Variants in MBD2 observed in about 807,000 individuals in gnomAD.
The protein encoded by MBD2 is methyl-CpG binding domain protein 2.
Under a neutral mutation model 39.3 loss-of-function variants are expected in MBD2, and 9 were observed. The observed-to-expected ratio is 0.23, with a 90% confidence interval of 0.14 to 0.40. The LOEUF (loss-of-function observed/expected upper bound fraction) is 0.40, where lower values mean the gene tolerates loss of function less well. Ranked by LOEUF, MBD2 falls within the 10% of genes least tolerant of loss-of-function variation. MBD2 has a pLI of 1.00. For synonymous variants in MBD2, 233 were observed against 211.1 expected (o/e 1.10, Z -0.90); for missense variants, 458 against 532.6 (o/e 0.86, Z 1.38).
rs867538371 is a variant in MBD2, at chr18:54,208,474, G to A, written c.543-3317C>T. On this transcript the variant is annotated intron_variant, in intron 1 of 6. Transcript: ENST00000256429. ...GCCACTACACTCCAGCCTGGGCAAC[G>A]AGCAAAACTCTGTCTCAATAAAATA... Among the ~76,000 whole-genome samples, 79 of 152,066 alleles carry A rather than the reference G, an allele frequency of 5.2e-4. 1 individual carries two copies. The highest frequency in any genetic ancestry group is 6.8e-3 in the Middle Eastern group (2 of 294).
chr18:54,213,110 A>G (rs147497853), intron 1 of MBD2, among the ~76,000 whole-genome samples: 2,372 of 150,236 alleles, frequency 0.016, 75 homozygotes, highest in African/African-American at 0.056. Context: ...TTTTTAAAGT[A>G]TAAGGAAAAA....
intron 1 of MBD2, chr18:54,222,264 C>CTT: frequency 2.3e-6 from 1 of 442,802 alleles, no homozygotes; most frequent in Non-Finnish European, 4.5e-6. Flanking sequence ...CCACAATAAC[C>CTT]TTTTTTTTTA....
chr18:54,164,060 A>T (rs754604927), intron 5 of MBD2, among the ~76,000 whole-genome samples: 56 of 151,968 alleles, frequency 3.7e-4, no homozygotes, highest in Non-Finnish European at 6.0e-4. Flanking sequence ...ATTGTTAAAA[A>T]TTTTTTGTGG....
rs188950732 is a variant in MBD2 at position 54,153,153 on chromosome 18, G to T, written c.*2171C>A. Reference sequence around the variant, plus strand: ...GTTCATATGAAGGCAGTGATCGTGGGGATGGAGGAGAGGTGGGGTGCAGTC... The same window carrying T: ...GTTCATATGAAGGCAGTGATCGTGGTGATGGAGGAGAGGTGGGGTGCAGTC... On this transcript the variant is annotated 3_prime_UTR_variant, in exon 7 of 7. Transcript: ENST00000256429. 1 of 152,720 alleles carries T rather than the reference G, an allele frequency of 6.5e-6. No individual in the cohort carries two copies. The highest frequency in any genetic ancestry group is 6.5e-5 in the Admixed American group (1 of 15,302). The allele number at this position is 152,720 out of a possible 1,614,324, so 9.5% of individuals were successfully genotyped here.
intron 2 of MBD2, among the ~76,000 whole-genome samples, chr18:54,191,882 C>A (rs2086322072): frequency 6.6e-6 from 1 of 152,114 alleles, no homozygotes; most frequent in African/African-American, 2.4e-5. Context: ...AGTATTATTT[C>A]TCAGGTATTT....
intron 1 of MBD2, among the ~76,000 whole-genome samples, chr18:54,222,881 A>T (rs921250905): frequency 1.3e-5 from 2 of 152,252 alleles, no homozygotes; most frequent in Non-Finnish European, 2.9e-5. Flanking sequence ...TTTTCAATCT[A>T]GTTAAAAGTA....
At chr18:54,215,481 G>A (rs1008300119) in intron 1 of MBD2, among the ~76,000 whole-genome samples, 1 of 150,794 alleles carries the variant, frequency 6.6e-6, no homozygotes, top group East Asian at 1.9e-4. Flanking sequence ...AGCAATTTCT[G>A]AGGATAGATT....
intron 2 of MBD2, among the ~76,000 whole-genome samples, chr18:54,194,941 C>T (rs1046748704): frequency 6.6e-6 from 1 of 152,040 alleles, no homozygotes; most frequent in Non-Finnish European, 1.5e-5. Flanking sequence ...CATAGTGTCC[C>T]TTTATGATAT....
rs1476150089 is a variant in MBD2, at chr18:54,153,259, GT to G, written c.*2064del. 1.3e-5 allele frequency: 2 copies of G among 152,310 alleles called. No homozygotes were observed. Among genetic ancestry groups the G allele is most frequent in the African/African-American group, 4.8e-5 (2 of 41,456 alleles). 9.4% of individuals were successfully genotyped at this position (152,310 alleles called of 1,614,324 possible). A position where few individuals can be genotyped will look rare whatever the true frequency, so the allele number is the denominator to read the frequency against. ...GCTCACTCCTGGGCTTCTGCCTTGC[GT>G]AACTGGAGAAGATGGCTTGCTTTTA... On this transcript the variant is annotated 3_prime_UTR_variant, in exon 7 of 7. Coordinates refer to ENST00000256429, the MANE Select transcript of MBD2 (RefSeq NM_003927.5).
At chr18:54,162,305 C>T (rs755050430) in intron 5 of MBD2, among the ~76,000 whole-genome samples, 103 of 152,282 alleles carry the variant, frequency 6.8e-4, no homozygotes, top group Non-Finnish European at 1.2e-3. Context: ...TTATAAAATA[C>T]GCTAAAAATA....
At chr18:54,164,409 T>C (rs1015364765) in intron 5 of MBD2, 114 bp downstream of exon 5, 53 of 896,298 alleles carry the variant, frequency 5.9e-5, no homozygotes, top group Non-Finnish European at 8.6e-5. Context: ...AAGAAAAGTA[T>C]AACTTTCTAG....
intron 5 of MBD2, among the ~76,000 whole-genome samples, chr18:54,161,890 T>C (rs765043480): frequency 6.6e-6 from 1 of 152,034 alleles, no homozygotes; most frequent in Non-Finnish European, 1.5e-5. Flanking sequence ...GAGAGATTAT[T>C]GTAGTGGGCC....
intron 2 of MBD2, among the ~76,000 whole-genome samples, chr18:54,197,119 A>G (rs1294941526): frequency 2.0e-5 from 3 of 152,202 alleles, no homozygotes; most frequent in Non-Finnish European, 4.4e-5. Flanking sequence ...CTTTTGCTAC[A>G]TCTTTCCCTT....
intron 1 of MBD2, among the ~76,000 whole-genome samples, chr18:54,217,896 C>A (rs761321936): frequency 6.6e-6 from 1 of 152,124 alleles, no homozygotes; most frequent in East Asian, 1.9e-4. Flanking sequence ...CAATGCTGCA[C>A]CCTAACAAAA....
chr18:54,171,253 T>C (rs1199409595), intron 3 of MBD2, among the ~76,000 whole-genome samples: 3 of 151,916 alleles, frequency 2.0e-5, no homozygotes, highest in African/African-American at 7.3e-5. Context: ...AATACAAAAT[T>C]AGCTGGGCGT....
intron 3 of MBD2, among the ~76,000 whole-genome samples, chr18:54,178,989 G>A (rs1319241918): frequency 6.6e-6 from 1 of 152,106 alleles, no homozygotes; most frequent in East Asian, 1.9e-4. Context: ...ATTGAAGCCT[G>A]AGCAACATAG....
In MBD2 at chr18:54,224,225, CCG is replaced by C. The variant is rs773398208; in HGVS notation, c.333_334del (p.Cys111TrpfsTer74). On this transcript the variant is annotated frameshift_variant, in exon 1 of 7. Transcript: ENST00000256429. LOFTEE classifies it high-confidence loss of function. ...GCCGCCGCCACCGCTGCCGCCGCCG[CCG>C]CAGCCGCCGCCGTCGCCGCCAAGGC... The C allele has an allele frequency of 2.3e-5, 24 of 1,053,346 alleles. No homozygotes were observed. The highest frequency in any genetic ancestry group is 5.6e-5 in the Admixed American group (1 of 17,982). 65.2% of individuals were successfully genotyped at this position (1,053,346 alleles called of 1,614,324 possible). A position where few individuals can be genotyped will look rare whatever the true frequency, so the allele number is the denominator to read the frequency against.
intron 2 of MBD2, among the ~76,000 whole-genome samples, chr18:54,204,329 T>G (rs2086432212): frequency 6.6e-6 from 1 of 152,252 alleles, no homozygotes; most frequent in African/African-American, 2.4e-5. Context: ...AGATATTGGG[T>G]CCTTTAACAT....
intron 1 of MBD2, chr18:54,222,255 C>A (rs769715202): frequency 7.0e-6 from 3 of 428,076 alleles, no homozygotes; most frequent in Non-Finnish European, 1.4e-5. Context: ...TTTTTTTAAC[C>A]ACAATAACCT....
Sources: gnomAD v4.1 joint callset for allele counts (sites outside exome capture counted in the v4.1 genomes callset) on GRCh38, gnomAD v4.1.1 for gene constraint, MANE v1.5 for transcripts, NCBI Gene and HGNC (gene_info 2026-07-23, HGNC 2026-07-21) for gene names.